The following CLDND1 variants were observed in gnomAD, a reference collection of about 807,000 sequenced individuals.
The protein encoded by CLDND1 is claudin domain containing 1.
A neutral mutation model predicts 26.3 loss-of-function variants in CLDND1; 13 were observed. The ratio of observed to expected loss-of-function variants is 0.49; its 90% CI spans 0.32 to 0.78. The LOEUF (loss-of-function observed/expected upper bound fraction) is 0.78. CLDND1 is among the 30% of genes least tolerant of loss of function. The pLI, the probability that CLDND1 is intolerant of heterozygous loss-of-function variation, is 0.03. For missense variants in CLDND1, 289 were observed against 312.8 expected, an observed-to-expected ratio of 0.92 and a Z score of 0.57; for synonymous variants, 107 against 107.0, an observed-to-expected ratio of 1.00 and a Z score of 0.00.
chr3:98,518,906 C>T lies in CLDND1; in HGVS notation c.382G>A (p.Gly128Arg), dbSNP rs144955053. The change falls in exon 3 of 5, where the codon GGG becomes AGG. Residue 128 changes from glycine to arginine, a missense_variant. Physicochemically the swap from Gly to Arg is moderately radical, Grantham distance 125 (BLOSUM62 -2). Transcript: ENST00000341181. ...TCACAGGTCCTAAGGAGATCAATCC[C>T]GCTATTGTGGTTTCCGGGATCAACA... is the stretch of plus-strand genomic sequence containing the variant. ...KFVDPGNHNS[G>R]IDLLRTYLWR... 130 of 1,610,304 alleles carry T rather than the reference C, an allele frequency of 8.1e-5. No individual in the cohort carries two copies. The highest frequency in any genetic ancestry group is 1.0e-4 in the Non-Finnish European group (118 of 1,176,696).
At chr3:98,522,416 T>G in intron 1 of CLDND1, 1 of 490,970 alleles carries the variant, frequency 2.0e-6, no homozygotes, top group Non-Finnish European at 2.8e-6. Flanking sequence ...AAACTGGGGT[T>G]GCTGAGTTTG....
rs1706176044 is a variant in CLDND1 at position 98,517,113 on chromosome 3, A to G, written c.480T>C (p.Cys160=). The G allele has an allele frequency of 6.2e-7, 1 of 1,614,218 alleles. No homozygotes were observed. The highest frequency in any genetic ancestry group is 1.3e-5 in the African/African-American group (1 of 75,066). The change falls in exon 4 of 5, where the codon TGT becomes TGC. Residue 160 remains cysteine, a synonymous_variant. Transcript: ENST00000341181. The part of the protein sequence containing the change: ...LMCFGALIGL[C]ACICRSLYPT... ...GATATAAGCTTCGGCAAATGCAAGCACAAAGTCCGATCAAAGCCCCAAAGC... is the reference window on the plus strand; with the variant it reads ...GATATAAGCTTCGGCAAATGCAAGCGCAAAGTCCGATCAAAGCCCCAAAGC...
At chr3:98,520,885 A>G in intron 2 of CLDND1, 3 of 410,888 alleles carry the variant, frequency 7.3e-6, no homozygotes, top group Non-Finnish European at 8.6e-6. Flanking sequence ...GTGAGTAAAT[A>G]AGAAAAAAAA....
intron 1 of CLDND1, chr3:98,521,934 G>T (rs1287648930): frequency 2.5e-5 from 13 of 522,676 alleles, no homozygotes; most frequent in Middle Eastern, 4.7e-4. Context: ...TAAAACAAAG[G>T]TAAGAGTCAG....
rs1706125298 is a variant in CLDND1 at position 98,516,024 on chromosome 3, G to A, written c.*635C>T. ...CTCGCCCGGCTGAACTGGAATTCTTGCAGTTACAAAGTTAAAATTTCAAGT... is the reference window on the plus strand; with the variant it reads ...CTCGCCCGGCTGAACTGGAATTCTTACAGTTACAAAGTTAAAATTTCAAGT... On this transcript the variant is annotated 3_prime_UTR_variant, in exon 5 of 5. Coordinates refer to ENST00000341181, the MANE Select transcript of CLDND1 (RefSeq NM_001040181.2). 1 of 1,157,752 alleles carries A rather than the reference G, an allele frequency of 8.6e-7. No homozygotes were observed. The allele number at this position is 1,157,752 out of a possible 1,614,324, so 71.7% of individuals were successfully genotyped here.
chr3:98,518,964 A>T lies in CLDND1; in HGVS notation c.324T>A (p.Ser108Arg). ...ESFDVVTKCV[S>R]FTLTEQFMEK... ...CCATGAACTGCTCAGTTAGTGTGAA[A>T]CTCACACATTTTGTGACCACATCAA... The change falls in exon 3 of 5, where the codon AGT becomes AGA. Residue 108 changes from serine to arginine, a missense_variant. Ser to Arg is a moderately radical substitution (Grantham distance 110). Coordinates refer to ENST00000341181, the MANE Select transcript of CLDND1 (RefSeq NM_001040181.2). 2 of 1,612,228 alleles carry T rather than the reference A, an allele frequency of 1.2e-6. No individual in the cohort carries two copies. Among genetic ancestry groups the T allele is most frequent in the African/African-American group, 2.7e-5 (2 of 74,940 alleles).
intron 2 of CLDND1, 61 bp from the exon 3 acceptor site, chr3:98,519,056 GTAAT>G (rs1352041146): frequency 4.1e-6 from 4 of 985,488 alleles, no homozygotes; most frequent in South Asian, 2.9e-5. Flanking sequence ...ATCTCTTTCA[GTAAT>G]TATTCTCTGA....
In CLDND1 at chr3:98,517,400, A is replaced by G. The variant is rs190435028; in HGVS notation, c.404-211T>C. 8.2e-5 allele frequency: 47 copies of G among 573,186 alleles called. No homozygotes were observed. In the African/African-American group the frequency reaches 8.3e-4, roughly 10 times the overall value. 35.5% of individuals were successfully genotyped at this position (573,186 alleles called of 1,614,324 possible). A position where few individuals can be genotyped will look rare whatever the true frequency, so the allele number is the denominator to read the frequency against. ...AGGACACTAACAGGTAGTAGCAATT[A>G]CTGAGGGTTCACTATGTTCCATGCT... On this transcript the variant is annotated intron_variant, in intron 3 of 4. Transcript: ENST00000341181.
chr3:98,522,188 T>G (rs1016067456), intron 1 of CLDND1: 1 of 159,248 alleles, frequency 6.3e-6, no homozygotes, highest in Admixed American at 6.3e-5. Context: ...AAATCCTCAG[T>G]GCAACATACG....
In CLDND1 at chr3:98,516,536, T is replaced by C; in HGVS notation, c.*123A>G. On this transcript the variant is annotated 3_prime_UTR_variant, in exon 5 of 5. Transcript: ENST00000341181. Reference sequence around the variant, plus strand: ...TAGTGGTGAATGTGTATAAATAAAATAGATTTTCATAATAAAATGGTATAT... The same window carrying C: ...TAGTGGTGAATGTGTATAAATAAAACAGATTTTCATAATAAAATGGTATAT... 7.0e-7 allele frequency: 1 copy of C among 1,423,414 alleles called. No homozygotes were observed. The highest frequency in any genetic ancestry group is 9.2e-7 in the Non-Finnish European group (1 of 1,083,338). 88.2% of individuals were successfully genotyped at this position (1,423,414 alleles called of 1,614,324 possible).
chr3:98,522,516 C>A, intron 1 of CLDND1: 2 of 1,227,398 alleles, frequency 1.6e-6, no homozygotes, highest in Non-Finnish European at 2.0e-6. Context: ...AAAAATCCCC[C>A]CTTCATCCTG....
chr3:98,522,731 C>A, intron 1 of CLDND1, 118 bp downstream of exon 1: 1 of 1,578,448 alleles, frequency 6.3e-7, no homozygotes, highest in Non-Finnish European at 8.6e-7. Flanking sequence ...GGGACAAATC[C>A]GCCGCTCGGA....
Position 98,516,300 on chromosome 3 carries a change from T to G in CLDND1, c.*359A>C. On this transcript the variant is annotated 3_prime_UTR_variant, in exon 5 of 5. Transcript: ENST00000341181. ...AAAGAAACTAATATAGAGTTTTTAGTTGAACAGATACAGTTACTTTAGTTT... is the reference window on the plus strand; with the variant it reads ...AAAGAAACTAATATAGAGTTTTTAGGTGAACAGATACAGTTACTTTAGTTT... 2.9e-6 allele frequency: 3 copies of G among 1,046,446 alleles called. No individual in the cohort carries two copies. Among genetic ancestry groups the G allele is most frequent in the Non-Finnish European group, 3.5e-6 (3 of 867,912 alleles). 64.8% of individuals were successfully genotyped at this position (1,046,446 alleles called of 1,614,324 possible).
rs1218996829 is a variant in CLDND1 at position 98,517,177 on chromosome 3, C to A, written c.416G>T (p.Cys139Phe). The A allele has an allele frequency of 6.2e-7, 1 of 1,612,414 alleles. No individual in the cohort carries two copies. The highest frequency in any genetic ancestry group is 1.1e-5 in the South Asian group (1 of 90,456). ...IDLLRTYLWRCQFLLPFVSLG... is the reference protein window; with the variant it reads ...IDLLRTYLWRFQFLLPFVSLG... ...ACTCACAAAAGGTAAAAGGAACTGG[C>A]AACGCCAAAGATCTGATTTTTAAAA... The change falls in exon 4 of 5, where the codon TGC (cysteine) becomes TTC (phenylalanine). Residue 139 changes from cysteine (C) to phenylalanine (F), a missense_variant. Coordinates refer to ENST00000341181, the MANE Select transcript of CLDND1 (RefSeq NM_001040181.2).
At chr3:98,522,688 C>T in intron 1 of CLDND1, 161 bp downstream of exon 1, 3 of 1,464,686 alleles carry the variant, frequency 2.0e-6, no homozygotes, top group East Asian at 2.7e-5. Context: ...CCCCCGGTAC[C>T]CGACCAGGCC....
intron 1 of CLDND1, 90 bp from the exon 2 acceptor site, chr3:98,521,532 C>T: frequency 1.4e-6 from 2 of 1,467,648 alleles, no homozygotes; most frequent in African/African-American, 1.4e-5. Flanking sequence ...ACCCTTTACC[C>T]AATTCCCCAT....
At position 98,521,848 on chromosome 3, in the gene CLDND1, G is replaced by C. The variant is rs1479867444; in HGVS notation, c.-18-406C>G. On this transcript the variant is annotated intron_variant, in intron 1 of 4. Transcript: ENST00000341181. ...GCAGAGGATTAAGTGTTCTGGGTTT[G>C]AGTGTTAAAAAGGCACAGGAAAAAG... is the stretch of plus-strand genomic sequence containing the variant. The C allele has an allele frequency of 6.0e-6, 4 of 665,910 alleles. No homozygotes were observed. The East Asian group carries it at 1.1e-4, about 19-fold the overall frequency. 41.3% of individuals were successfully genotyped at this position (665,910 alleles called of 1,614,324 possible).
At chr3:98,522,803 A>G in intron 1 of CLDND1, 46 bp downstream of exon 1, 1 of 1,613,420 alleles carries the variant, frequency 6.2e-7, no homozygotes, top group Non-Finnish European at 8.5e-7. Context: ...GGAACATGGA[A>G]CCGCGACGCG....
rs1248791372 is a variant in CLDND1 at position 98,521,972 on chromosome 3, T to A, written c.-18-530A>T. On this transcript the variant is annotated intron_variant, in intron 1 of 4. Transcript: ENST00000341181. ...GCCATACAGAAAACAGAGTTGAAGA[T>A]GTTTGTTAACCCCGAGGGAAAGGTT... 3 of 432,462 alleles carry A rather than the reference T, an allele frequency of 6.9e-6. No homozygotes were observed. In the Admixed American group the frequency reaches 1.2e-4, roughly 17 times the overall value. The allele number at this position is 432,462 out of a possible 1,614,324, so 26.8% of individuals were successfully genotyped here.
Sources: allele counts gnomAD v4.1 joint callset, GRCh38; gene constraint gnomAD v4.1.1; transcripts MANE v1.5; gene names NCBI Gene and HGNC (gene_info 2026-07-23, HGNC 2026-07-21).